Variants in PCDHA11 observed in about 807,000 individuals in gnomAD.
PCDHA11 encodes the protein protocadherin alpha-11.
PCDHA11 carries 61 observed loss-of-function variants against 70.3 expected under a neutral mutation model. That is an observed-to-expected ratio of 0.87 (90% CI 0.71 to 1.07). The LOEUF is 1.07. PCDHA11 is among the 50% of genes least tolerant of loss of function. PCDHA11 has a pLI of 0.00. For missense variants in PCDHA11, 1,324 were observed against 1,237.5 expected (o/e 1.07, Z -1.05); for synonymous variants, 633 against 555.1 (o/e 1.14, Z -1.97).
intron 3 of PCDHA11, among the ~76,000 whole-genome samples, chr5:141,008,870 C>G (rs539100133): frequency 1.4e-4 from 22 of 152,126 alleles, no homozygotes; most frequent in Non-Finnish European, 7.3e-5. Flanking sequence ...ATGCTGCATC[C>G]CACCACCCTT....
intron 1 of PCDHA11, among the ~76,000 whole-genome samples, chr5:140,886,840 A>G (rs1175023921): frequency 4.0e-5 from 6 of 151,546 alleles, no homozygotes; most frequent in South Asian, 2.1e-4. Context: ...AAAAAAAAAA[A>G]AAAAAAAGAA....
Position 141,011,605 on chromosome 5 carries a change from T to C in PCDHA11, c.*1668T>C, listed in dbSNP as rs971128266. On this transcript the variant is annotated 3_prime_UTR_variant, in exon 4 of 4. Coordinates refer to ENST00000398640, the MANE Select transcript of PCDHA11 (RefSeq NM_018902.5). The stretch of plus-strand genomic sequence containing the variant: ...AAGATACTGGTGATTCAAGGAATTT[T>C]ATTTATGGTCCAGCCAAGAGCCATC... 4 of 153,780 alleles carry C rather than the reference T, an allele frequency of 2.6e-5. No homozygotes were observed. Among genetic ancestry groups the C allele is most frequent in the Non-Finnish European group, 4.4e-5 (3 of 68,032 alleles). 9.5% of individuals were successfully genotyped at this position (153,780 alleles called of 1,614,324 possible). A position where few individuals can be genotyped will look rare whatever the true frequency, so the allele number is the denominator to read the frequency against.
At chr5:140,911,283 A>G (rs906069835) in intron 1 of PCDHA11, among the ~76,000 whole-genome samples, 1 of 152,278 alleles carries the variant, frequency 6.6e-6, no homozygotes, top group Non-Finnish European at 1.5e-5. Context: ...CAGCTTCATC[A>G]GGGTCCTTTT....
At chr5:140,901,643 G>A (rs1011127972) in intron 1 of PCDHA11, among the ~76,000 whole-genome samples, 7 of 151,908 alleles carry the variant, frequency 4.6e-5, no homozygotes, top group Non-Finnish European at 8.8e-5. Context: ...TGATTCTTCC[G>A]GTTTTGTTCT....
rs116202025 is a variant in PCDHA11, at chr5:140,975,505, A to G, written c.2392-3444A>G. ...ATATCAATGTTCATAAAATAGCACTATGCAAAATCTGCAGTGGATATATTC... is the reference window on the plus strand; with the variant it reads ...ATATCAATGTTCATAAAATAGCACTGTGCAAAATCTGCAGTGGATATATTC... On this transcript the variant is annotated intron_variant, in intron 1 of 3. Transcript: ENST00000398640. Among the ~76,000 whole-genome samples, 512 of 152,350 alleles carry G rather than the reference A, an allele frequency of 3.4e-3. 3 individuals are homozygous for G. Among genetic ancestry groups the G allele is most frequent in the Middle Eastern group, 6.8e-3 (2 of 294 alleles).
At position 140,869,126 on chromosome 5, in the gene PCDHA11, G is replaced by C; in HGVS notation, c.23G>C (p.Gly8Ala). 1 of 1,611,852 alleles carries C rather than the reference G, an allele frequency of 6.2e-7. No individual in the cohort carries two copies. Among genetic ancestry groups the C allele is most frequent in the African/African-American group, 1.3e-5 (1 of 74,964 alleles). The change falls in exon 1 of 4, where the codon GGA becomes GCA. Residue 8 changes from glycine (G) to alanine (A), a missense_variant. Physicochemically the swap from Gly to Ala is moderately conservative, Grantham distance 60 (BLOSUM62 0). Coordinates refer to ENST00000398640, the MANE Select transcript of PCDHA11 (RefSeq NM_018902.5). ...GCGATGTTTGGTTTTCAGAGAAGGG[G>C]ATTGGGCACCCCACGACTACAGCTC... MFGFQRR[G>A]LGTPRLQLWL...
At chr5:140,933,613 A>G (rs1441475985) in intron 1 of PCDHA11, among the ~76,000 whole-genome samples, 1 of 151,962 alleles carries the variant, frequency 6.6e-6, no homozygotes, top group Non-Finnish European at 1.5e-5. Flanking sequence ...TTCTTTTCTT[A>G]TTAGGTTAGG....
At chr5:140,880,084 T>TAGTA (rs2058231039) in intron 1 of PCDHA11, among the ~76,000 whole-genome samples, 1 of 152,208 alleles carries the variant, frequency 6.6e-6, no homozygotes. Context: ...CAACCTATTA[T>TAGTA]AGTAGGCTTA....
intron 1 of PCDHA11, among the ~76,000 whole-genome samples, chr5:140,910,654 C>T (rs961570287): frequency 1.3e-5 from 2 of 152,218 alleles, no homozygotes; most frequent in African/African-American, 2.4e-5. Flanking sequence ...TTGATCCCTT[C>T]CTCTACATTA....
chr5:140,993,087 G>T (rs1476981409), intron 3 of PCDHA11, among the ~76,000 whole-genome samples: 2 of 152,188 alleles, frequency 1.3e-5, no homozygotes, highest in African/African-American at 4.8e-5. Flanking sequence ...AATCAGCAGG[G>T]CTATGTTTAT....
At chr5:140,912,174 A>G (rs2075803513) in intron 1 of PCDHA11, among the ~76,000 whole-genome samples, 1 of 152,166 alleles carries the variant, frequency 6.6e-6, no homozygotes, top group Non-Finnish European at 1.5e-5. Flanking sequence ...CTGTGCTGGC[A>G]GCTGATTAGA....
intron 1 of PCDHA11, among the ~76,000 whole-genome samples, chr5:140,917,405 T>C (rs2153543748): frequency 6.6e-6 from 1 of 152,162 alleles, no homozygotes; most frequent in South Asian, 2.1e-4. Flanking sequence ...AGCTCTTTAG[T>C]TTAATTAGGC....
intron 1 of PCDHA11, chr5:140,878,013 G>A (rs1554170262): frequency 2.4e-6 from 2 of 839,000 alleles, no homozygotes; most frequent in South Asian, 2.6e-5. Context: ...TAACATTAAT[G>A]AAGGAAATAT....
intron 1 of PCDHA11, chr5:140,875,337 A>C (rs2055422229): frequency 1.6e-5 from 23 of 1,440,366 alleles, no homozygotes; most frequent in Non-Finnish European, 1.7e-5. Context: ...AATAGGATCG[A>C]CTCCATAATG....
intron 1 of PCDHA11, among the ~76,000 whole-genome samples, chr5:140,943,845 C>A (rs59104695): frequency 3.3e-5 from 5 of 152,226 alleles, no homozygotes; most frequent in Admixed American, 1.3e-4. Flanking sequence ...TGTAAGATGT[C>A]ACAGAAGTCA....
chr5:140,953,055 T>C (rs1389436711), intron 1 of PCDHA11, among the ~76,000 whole-genome samples: 3 of 152,178 alleles, frequency 2.0e-5, no homozygotes, highest in African/African-American at 7.2e-5. Flanking sequence ...CAATCACCTC[T>C]CACAGGCCCC....
chr5:140,982,488 G>C lies in PCDHA11; in HGVS notation c.2464G>C (p.Glu822Gln), dbSNP rs782419098. 3 of 1,614,212 alleles carry C rather than the reference G, an allele frequency of 1.9e-6. No individual in the cohort carries two copies. Among genetic ancestry groups the C allele is most frequent in the Non-Finnish European group, 2.5e-6 (3 of 1,180,036 alleles). The change falls in exon 3 of 4, where the codon GAG becomes CAG. Residue 822 changes from glutamate to glutamine, a missense_variant. Glu to Gln is a conservative substitution (Grantham distance 29). Coordinates refer to ENST00000398640, the MANE Select transcript of PCDHA11 (RefSeq NM_018902.5). ...RAGMHSSVHLEEAGILRAGPG... is the reference protein window; with the variant it reads ...RAGMHSSVHLQEAGILRAGPG... The stretch of plus-strand genomic sequence containing the variant: ...GTGTTTATTCAGCTCTGTGCACCTA[G>C]AGGAGGCTGGCATTCTACGGGCTGG...
At chr5:140,961,446 T>G (rs1318543773) in intron 1 of PCDHA11, among the ~76,000 whole-genome samples, 1 of 152,238 alleles carries the variant, frequency 6.6e-6, no homozygotes. Flanking sequence ...CTAACTACAC[T>G]GTCTTGCAGC....
intron 1 of PCDHA11, chr5:140,877,567 T>C (rs1487907484): frequency 6.2e-7 from 1 of 1,613,664 alleles, no homozygotes; most frequent in East Asian, 2.2e-5. Context: ...TATTAACGTG[T>C]ACCTCATCAT....
Sources: allele counts gnomAD v4.1 joint callset (sites outside exome capture counted in the v4.1 genomes callset), GRCh38; gene constraint gnomAD v4.1.1; transcripts MANE v1.5; gene names NCBI Gene and HGNC (gene_info 2026-07-23, HGNC 2026-07-21).